Variants in PAPSS1 observed in about 807,000 individuals in gnomAD.
PAPSS1 encodes the protein bifunctional 3'-phosphoadenosine 5'-phosphosulfate synthase 1.
In PAPSS1, 50 loss-of-function variants were observed where a neutral mutation model predicts 72.0. The observed-to-expected ratio is 0.69, with a 90% CI of 0.55 to 0.88. PAPSS1 has a LOEUF of 0.88. PAPSS1 is among the 40% of genes least tolerant of loss of function. The pLI is 0.00. For missense variants in PAPSS1, 657 were observed against 782.2 expected (o/e 0.84, Z 1.91); for synonymous variants, 261 against 263.6 (o/e 0.99, Z 0.09).
chr4:107,714,981 T>A (rs1483242305), intron 1 of PAPSS1, among the ~76,000 whole-genome samples: 1 of 152,104 alleles, frequency 6.6e-6, no homozygotes, highest in Non-Finnish European at 1.5e-5. Context: ...TTCCTGTTCT[T>A]GGGAACAGAG....
At chr4:107,677,062 C>G (rs9684710) in intron 5 of PAPSS1, among the ~76,000 whole-genome samples, 6 of 151,890 alleles carry the variant, frequency 4.0e-5, no homozygotes, top group Non-Finnish European at 8.8e-5. Flanking sequence ...TTAAATGTTA[C>G]ACCTAAAACC....
intron 5 of PAPSS1, among the ~76,000 whole-genome samples, chr4:107,670,873 A>G (rs968099368): frequency 2.6e-5 from 4 of 152,204 alleles, no homozygotes; most frequent in Non-Finnish European, 4.4e-5. Context: ...TCTATAAACA[A>G]TGGAAAAATC....
At chr4:107,655,215 G>A (rs1402031388) in intron 7 of PAPSS1, among the ~76,000 whole-genome samples, 1 of 151,804 alleles carries the variant, frequency 6.6e-6, no homozygotes, top group Admixed American at 6.6e-5. Context: ...GAAAGAATCA[G>A]CTGGTTAAGC....
intron 5 of PAPSS1, among the ~76,000 whole-genome samples, chr4:107,680,024 T>TA (rs1248217430): frequency 1.3e-5 from 2 of 151,864 alleles, no homozygotes; most frequent in Non-Finnish European, 2.9e-5. Flanking sequence ...TTATCAAAGC[T>TA]AAAATGTTAA....
At chr4:107,701,031 T>C (rs1217999102) in intron 2 of PAPSS1, 140 bp downstream of exon 2, 1 of 438,020 alleles carries the variant, frequency 2.3e-6, no homozygotes, top group Non-Finnish European at 4.0e-6. Flanking sequence ...AGAAATATTA[T>C]TAAGCAACTA....
At chr4:107,628,011 G>A (rs1726140813) in intron 11 of PAPSS1, among the ~76,000 whole-genome samples, 3 of 151,980 alleles carry the variant, frequency 2.0e-5, no homozygotes, top group Non-Finnish European at 4.4e-5. Context: ...TTTTCTTTTG[G>A]TGTGGTTCAG....
chr4:107,706,284 T>C (rs1166888486), intron 1 of PAPSS1, among the ~76,000 whole-genome samples: 1 of 152,224 alleles, frequency 6.6e-6, no homozygotes, highest in Non-Finnish European at 1.5e-5. Context: ...GTACTTTTGA[T>C]GCTGTCCTAT....
chr4:107,648,345 G>A (rs145780177), intron 9 of PAPSS1, among the ~76,000 whole-genome samples: 17 of 152,322 alleles, frequency 1.1e-4, no homozygotes, highest in African/African-American at 3.1e-4. Context: ...CTGTCGTGTC[G>A]TGGCACAGTG....
chr4:107,628,340 C>A (rs897402677), intron 11 of PAPSS1, among the ~76,000 whole-genome samples: 1 of 152,162 alleles, frequency 6.6e-6, no homozygotes, highest in Non-Finnish European at 1.5e-5. Flanking sequence ...CAAATGACAA[C>A]AAACTACATC....
intron 10 of PAPSS1, among the ~76,000 whole-genome samples, chr4:107,633,875 C>T (rs1327393297): frequency 7.1e-6 from 1 of 140,270 alleles, no homozygotes; most frequent in Non-Finnish European, 1.5e-5. Context: ...GCTGAGATAG[C>T]ACCACTGCAG....
chr4:107,676,388 T>C (rs1352174941), intron 5 of PAPSS1, among the ~76,000 whole-genome samples: 4 of 151,964 alleles, frequency 2.6e-5, no homozygotes, highest in African/African-American at 9.7e-5. Flanking sequence ...TATACACCAA[T>C]AACAGACAAA....
intron 4 of PAPSS1, among the ~76,000 whole-genome samples, chr4:107,685,138 ATAT>A (rs1186663320): frequency 6.6e-6 from 1 of 152,116 alleles, no homozygotes; most frequent in Non-Finnish European, 1.5e-5. Context: ...ATCTCTTCAA[ATAT>A]TTTACAAGAG....
chr4:107,671,525 A>G (rs189474157), intron 5 of PAPSS1, among the ~76,000 whole-genome samples: 1 of 152,306 alleles, frequency 6.6e-6, no homozygotes, highest in Admixed American at 6.5e-5. Context: ...AAAATTATAT[A>G]AAATGGTATC....
chr4:107,628,782 G>T (rs1726159354), intron 11 of PAPSS1, among the ~76,000 whole-genome samples: 1 of 152,146 alleles, frequency 6.6e-6, no homozygotes, highest in African/African-American at 2.4e-5. Flanking sequence ...CACATTTTGG[G>T]CTAAGAGGGA....
intron 5 of PAPSS1, among the ~76,000 whole-genome samples, chr4:107,675,313 G>A (rs1285074137): frequency 6.6e-6 from 1 of 151,800 alleles, no homozygotes; most frequent in African/African-American, 2.4e-5. Flanking sequence ...AGAAAGGAGA[G>A]AAGAATCAAA....
At chr4:107,649,402 C>T (rs1028595467) in intron 9 of PAPSS1, among the ~76,000 whole-genome samples, 4 of 152,266 alleles carry the variant, frequency 2.6e-5, no homozygotes, top group African/African-American at 7.2e-5. Context: ...CTGGCTAACA[C>T]TACCCAATGC....
rs186320484 is a variant in PAPSS1 at position 107,617,312 on chromosome 4, G to A, written c.1737-2925C>T. On this transcript the variant is annotated intron_variant, in intron 11 of 11. Coordinates refer to ENST00000265174, the MANE Select transcript of PAPSS1 (RefSeq NM_005443.5). ...GTTCTTACAATCAACTTGACACTTG[G>A]TTCCCGGTCTAGTTCTACCTCTTAG... Among the ~76,000 whole-genome samples, 27 of 151,142 alleles carry A rather than the reference G, an allele frequency of 1.8e-4. No individual in the cohort carries two copies. The South Asian group carries it at 5.5e-3, about 31-fold the overall frequency.
rs1037983716 is a variant in PAPSS1 at position 107,624,074 on chromosome 4, T to C, written c.1736+7557A>G. Among the ~76,000 whole-genome samples the C allele has an allele frequency of 5.3e-5, 8 of 152,308 alleles. 1 individual carries two copies. The highest frequency in any genetic ancestry group is 5.2e-4 in the Admixed American group (8 of 15,300). On this transcript the variant is annotated intron_variant, in intron 11 of 11. Coordinates refer to ENST00000265174, the MANE Select transcript of PAPSS1 (RefSeq NM_005443.5). ...AGCTCCTACCTTTCAAGAACTGCCT[T>C]ATCTGGCTCCTGAATATCTCATCAT...
At position 107,644,835 on chromosome 4, in the gene PAPSS1, G is replaced by A. The variant is rs772201057; in HGVS notation, c.1473C>T (p.Phe491=). The change falls in exon 10 of 12, where the codon TTC becomes TTT. Residue 491 remains phenylalanine, a synonymous_variant. Transcript: ENST00000265174. The part of the protein sequence containing the change: ...LNPETTVVAI[F]PSPMMYAGPT... ...GTCCAGCATACATCATGGGAGATGG[G>A]AAGATGGCCACCACTGTCGTCTCAG... 2.5e-6 allele frequency: 4 copies of A among 1,613,448 alleles called. No individual in the cohort carries two copies. The highest frequency in any genetic ancestry group is 2.2e-5 in the East Asian group (1 of 44,856).
Sources: allele counts gnomAD v4.1 joint callset (sites outside exome capture counted in the v4.1 genomes callset), GRCh38; gene constraint gnomAD v4.1.1; transcripts MANE v1.5; gene names NCBI Gene and HGNC (gene_info 2026-07-23, HGNC 2026-07-21).